PYHIN1: variants seen among roughly 807,000 people sequenced by gnomAD.
PYHIN1 encodes the protein pyrin and HIN domain-containing protein 1.
Under a neutral mutation model 43.7 loss-of-function variants are expected in PYHIN1, and 32 were observed. The ratio of observed to expected loss-of-function variants is 0.73; its 90% CI spans 0.55 to 0.98. PYHIN1 has a LOEUF of 0.98. Ranked by LOEUF, PYHIN1 falls within the 50% of genes least tolerant of loss-of-function variation. The pLI, the probability that PYHIN1 is intolerant of heterozygous loss-of-function variation, is 0.00. For synonymous variants in PYHIN1, 205 were observed against 203.1 expected, an observed-to-expected ratio of 1.01 and a Z score of -0.08; for missense variants, 588 against 589.5, an observed-to-expected ratio of 1.00 and a Z score of 0.03.
rs1269528021 is a variant in PYHIN1 at position 158,943,645 on chromosome 1, C to A, written c.1003-145C>A. ...TTGAGGGAGAGCTCTGTGAGATGGT[C>A]TAGACTAAGGCATATGTATTGTATG... On this transcript the variant is annotated intron_variant, in intron 5 of 8. Coordinates refer to ENST00000368140, the MANE Select transcript of PYHIN1 (RefSeq NM_152501.5). The A allele has an allele frequency of 2.5e-5, 13 of 510,404 alleles. No individual in the cohort carries two copies. The East Asian group carries it at 3.5e-4, about 14-fold the overall frequency. The allele number at this position is 510,404 out of a possible 1,614,324, so 31.6% of individuals were successfully genotyped here.
In PYHIN1 at chr1:158,942,073, T is replaced by C. The variant is rs766242958; in HGVS notation, c.676T>C (p.Phe226Leu). ...IAMVLNATKV[F>L]KYESSENEQR... The stretch of plus-strand genomic sequence containing the variant: ...GATGGTACTAAATGCAACAAAAGTA[T>C]TTAAATATGAATCCTCAGAAAATGA... The change falls in exon 5 of 9, where the codon TTT (phenylalanine) becomes CTT (leucine). Residue 226 changes from phenylalanine to leucine, a missense_variant. Phe to Leu is a conservative substitution (Grantham distance 22, BLOSUM62 0). Transcript: ENST00000368140. 1 of 1,613,976 alleles carries C rather than the reference T, an allele frequency of 6.2e-7. No homozygotes were observed. The highest frequency in any genetic ancestry group is 2.2e-5 in the East Asian group (1 of 44,894).
downstream of PYHIN1, among the ~76,000 whole-genome samples, chr1:158,980,714 A>G (rs979369063): frequency 6.6e-6 from 1 of 152,122 alleles, no homozygotes; most frequent in Non-Finnish European, 1.5e-5. Context: ...TAAGATGTTT[A>G]TCAAGACAAT....
intron 7 of PYHIN1, among the ~76,000 whole-genome samples, chr1:158,969,557 TG>T (rs1452342767): frequency 6.6e-6 from 1 of 152,012 alleles, no homozygotes; most frequent in Non-Finnish European, 1.5e-5. Context: ...TTTTGACTGG[TG>T]AATTCCAATA....
the PYHIN1 span, among the ~76,000 whole-genome samples, chr1:158,986,656 G>GC: frequency 6.6e-6 from 1 of 152,162 alleles, no homozygotes; most frequent in African/African-American, 2.4e-5. Context: ...GATCAAACCA[G>GC]CCCCACCCTT....
chr1:158,949,968 T>G (rs1649442614), intron 7 of PYHIN1, among the ~76,000 whole-genome samples: 1 of 152,204 alleles, frequency 6.6e-6, no homozygotes, highest in Non-Finnish European at 1.5e-5. Context: ...GTTAGAACCT[T>G]TATAACTTAC....
At chr1:158,987,195 C>G in the PYHIN1 span, among the ~76,000 whole-genome samples, 5 of 152,232 alleles carry the variant, frequency 3.3e-5, no homozygotes, top group East Asian at 9.7e-4. Flanking sequence ...GTAGAAAAGT[C>G]CTAATTTCTC....
chr1:158,977,696 A>G (rs1379110625), downstream of PYHIN1, among the ~76,000 whole-genome samples: 2 of 152,082 alleles, frequency 1.3e-5, no homozygotes, highest in Non-Finnish European at 2.9e-5. Flanking sequence ...TTTAATCTTC[A>G]CCGTAGCTCT....
chr1:158,952,253 T>C (rs963659639), intron 7 of PYHIN1, among the ~76,000 whole-genome samples: 1 of 151,984 alleles, frequency 6.6e-6, no homozygotes, highest in Admixed American at 6.5e-5. Context: ...GCAGGCTGAG[T>C]TCCTAGGAGC....
rs1648266651 is a variant in PYHIN1, at chr1:158,933,116, A to G, written c.-21+1340A>G. ...CTATTATAAGACGGTATTTTCTTGT[A>G]CTCCTCTCAAATTCATATATATAAT... On this transcript the variant is annotated intron_variant, in intron 1 of 8. Coordinates refer to ENST00000368140, the MANE Select transcript of PYHIN1 (RefSeq NM_152501.5). The surrounding 1 kb of genome is among the most constrained non-coding windows in gnomAD (Gnocchi z 6.3). Among the ~76,000 whole-genome samples the G allele has an allele frequency of 6.6e-6, 1 of 151,656 alleles. No individual in the cohort carries two copies. Among genetic ancestry groups the G allele is most frequent in the African/African-American group, 2.4e-5 (1 of 41,348 alleles).
chr1:158,943,796 G>A lies in PYHIN1; in HGVS notation c.1009G>A (p.Val337Ile), dbSNP rs1649061580. Residue 337 changes from valine to isoleucine, a missense_variant, in exon 6 of 9, where the codon GTA becomes ATA. Transcript: ENST00000368140. ...TATTAATTTTTTGTTGCAGAAAATT[G>A]TAAATAGGAAGACGACAATCTATGA... is the stretch of plus-strand genomic sequence containing the variant. The part of the protein sequence containing the change: ...YGLFMLHTKI[V>I]NRKTTIYEIQ... The A allele has an allele frequency of 3.1e-6, 5 of 1,593,426 alleles. No individual in the cohort carries two copies. The highest frequency in any genetic ancestry group is 1.3e-5 in the African/African-American group (1 of 74,208).
chr1:158,960,957 T>C (rs1256483155), intron 7 of PYHIN1, among the ~76,000 whole-genome samples: 1 of 152,192 alleles, frequency 6.6e-6, no homozygotes, highest in Non-Finnish European at 1.5e-5. Flanking sequence ...AATAAAATAC[T>C]TTCTATACCA....
Position 158,942,393 on chromosome 1 carries a change from A to G in PYHIN1, c.996A>G (p.Leu332=), listed in dbSNP as rs765010707. ...SGYIVYGLFM[L]HTKIVNRKTT... is the part of the protein sequence containing the mutation. Reference sequence around the variant, plus strand: ...ATATTGTATATGGATTATTTATGCTACATACGGTAAGGCATCAAAGCTATT... The same window carrying G: ...ATATTGTATATGGATTATTTATGCTGCATACGGTAAGGCATCAAAGCTATT... Residue 332 remains leucine, a synonymous_variant, in exon 5 of 9, where the codon CTA becomes CTG. Coordinates refer to ENST00000368140, the MANE Select transcript of PYHIN1 (RefSeq NM_152501.5). The G allele has an allele frequency of 1.9e-6, 3 of 1,579,328 alleles. No homozygotes were observed. In the South Asian group the frequency reaches 3.5e-5, roughly 19 times the overall value.
Position 158,966,388 on chromosome 1 carries a change from A to T in PYHIN1, c.1360-7259A>T, listed in dbSNP as rs140223905. Among the ~76,000 whole-genome samples, 194 of 152,244 alleles carry T rather than the reference A, an allele frequency of 1.3e-3. 2 individuals are homozygous for T. The East Asian group carries it at 0.033, about 26-fold the overall frequency. Reference sequence around the variant, plus strand: ...CAATTCATTCTATGAGGCCAGCATCATCCTGATAACAAAAGGCAGAGACAC... The same window carrying T: ...CAATTCATTCTATGAGGCCAGCATCTTCCTGATAACAAAAGGCAGAGACAC... On this transcript the variant is annotated intron_variant, in intron 7 of 8. Transcript: ENST00000368140.
chr1:158,959,545 A>G (rs746372593), intron 7 of PYHIN1, among the ~76,000 whole-genome samples: 3 of 152,198 alleles, frequency 2.0e-5, no homozygotes, highest in Admixed American at 1.3e-4. Flanking sequence ...TTCAGCCATA[A>G]CCCTATCTTG....
intron 7 of PYHIN1, among the ~76,000 whole-genome samples, chr1:158,960,264 G>C (rs1325484905): frequency 1.3e-5 from 2 of 152,172 alleles, no homozygotes; most frequent in African/African-American, 4.8e-5. Flanking sequence ...CATTGCAACC[G>C]CAGATCCATA....
At chr1:158,938,107 G>A (rs558531446) in intron 2 of PYHIN1, among the ~76,000 whole-genome samples, 44 of 152,322 alleles carry the variant, frequency 2.9e-4, no homozygotes, top group Admixed American at 1.0e-3. Context: ...GGAAATGATA[G>A]AATAGGATTG....
At chr1:158,946,147 C>T (rs1557829630) in intron 7 of PYHIN1, among the ~76,000 whole-genome samples, 1 of 152,272 alleles carries the variant, frequency 6.6e-6, no homozygotes, top group East Asian at 1.9e-4. Flanking sequence ...CTCTGCAGGG[C>T]TTCTCAAAAA....
chr1:158,939,057 C>A (rs1037904698), intron 3 of PYHIN1, 23 bp from the exon 4 acceptor site: 2 of 1,534,848 alleles, frequency 1.3e-6, no homozygotes, highest in African/African-American at 1.4e-5. Context: ...AAGTAATTAA[C>A]AAGAAAAATA....
chr1:158,967,105 C>T (rs1444162774), intron 7 of PYHIN1, among the ~76,000 whole-genome samples: 2 of 152,050 alleles, frequency 1.3e-5, no homozygotes, highest in Middle Eastern at 3.2e-3. Flanking sequence ...AATGCAATTC[C>T]GTTCACAATT....
Sources: allele counts gnomAD v4.1 joint callset (sites outside exome capture counted in the v4.1 genomes callset), GRCh38; gene constraint gnomAD v4.1.1; non-coding constraint Gnocchi (gnomAD v3.1); transcripts MANE v1.5; gene names NCBI Gene and HGNC (gene_info 2026-07-23, HGNC 2026-07-21).